Variants in RBFOX3 observed in about 807,000 individuals in gnomAD.
RBFOX3 encodes the protein RNA binding protein fox-1 homolog 3.
A neutral mutation model predicts 48.7 loss-of-function variants in RBFOX3; 17 were observed. That is an observed-to-expected ratio of 0.35 (90% CI 0.24 to 0.52). The LOEUF is 0.52. Among genes scored for constraint, RBFOX3 ranks in the 20% least tolerant of loss-of-function variants. RBFOX3 has a pLI of 0.94. For synonymous variants in RBFOX3, 212 were observed against 209.5 expected (o/e 1.01, Z -0.10); for missense variants, 382 against 497.5 (o/e 0.77, Z 2.21).
At chr17:79,267,685 CT>C (rs1367876379) in intron 3 of RBFOX3, among the ~76,000 whole-genome samples, 1 of 152,080 alleles carries the variant, frequency 6.6e-6, no homozygotes, top group Non-Finnish European at 1.5e-5. Flanking sequence ...GCTACCAGGC[CT>C]GGCCCCATGT....
intron 2 of RBFOX3, among the ~76,000 whole-genome samples, chr17:79,374,880 G>A (rs183258847): frequency 2.0e-5 from 3 of 152,188 alleles, no homozygotes; most frequent in Admixed American, 6.5e-5. Context: ...CTATTTCCAG[G>A]CAACATCCAC....
chr17:79,611,244 C>A (rs1457021891), upstream of RBFOX3, among the ~76,000 whole-genome samples: 3 of 147,366 alleles, frequency 2.0e-5, no homozygotes, highest in East Asian at 4.2e-4. Flanking sequence ...TGGAGCGAGG[C>A]GGCAGCAGGA....
intron 2 of RBFOX3, among the ~76,000 whole-genome samples, chr17:79,352,162 T>G (rs1261566617): frequency 1.3e-5 from 2 of 152,188 alleles, no homozygotes; most frequent in Non-Finnish European, 2.9e-5. Flanking sequence ...AAATCTCATG[T>G]TGAATTGTGA....
At chr17:79,472,602 C>A (rs1361402812) in intron 2 of RBFOX3, among the ~76,000 whole-genome samples, 2 of 152,224 alleles carry the variant, frequency 1.3e-5, no homozygotes, top group Admixed American at 6.5e-5. Flanking sequence ...ATGCTGCCAA[C>A]AGCTTGATCT....
At chr17:79,569,333 G>A (rs958453163) in intron 1 of RBFOX3, among the ~76,000 whole-genome samples, 8 of 152,238 alleles carry the variant, frequency 5.3e-5, no homozygotes, top group South Asian at 2.1e-4. Context: ...ATCATGCAAC[G>A]TGTGGCCTTT....
At chr17:79,611,228 T>G (rs2093967210), upstream of RBFOX3, among the ~76,000 whole-genome samples, 1 of 132,928 alleles carries the variant, frequency 7.5e-6, no homozygotes, top group African/African-American at 2.9e-5. Context: ...CTCTGGCTCG[T>G]TCGGCTGGAG....
intron 4 of RBFOX3, among the ~76,000 whole-genome samples, chr17:79,216,051 C>T (rs149901209): frequency 1.3e-3 from 191 of 152,368 alleles, no homozygotes; most frequent in African/African-American, 4.5e-3. Flanking sequence ...TCCCCTGCCC[C>T]CAAGCGTCCT....
At chr17:79,572,057 G>A (rs965689905) in intron 1 of RBFOX3, among the ~76,000 whole-genome samples, 2 of 152,182 alleles carry the variant, frequency 1.3e-5, no homozygotes, top group African/African-American at 2.4e-5. Context: ...ATCCCGAGAG[G>A]CGGGTGTTAT....
chr17:79,355,707 A>G (rs1830074750), intron 2 of RBFOX3, among the ~76,000 whole-genome samples: 1 of 151,636 alleles, frequency 6.6e-6, no homozygotes, highest in African/African-American at 2.4e-5. Flanking sequence ...CAGCCTTCCT[A>G]GTAGCTGGGA....
chr17:79,343,547 A>C (rs995479211), intron 2 of RBFOX3, among the ~76,000 whole-genome samples: 5 of 151,986 alleles, frequency 3.3e-5, no homozygotes, highest in African/African-American at 1.2e-4. Flanking sequence ...AAACAAAAAA[A>C]CCCAAAAACA....
At chr17:79,511,704 G>T (rs1173031008) in intron 1 of RBFOX3, among the ~76,000 whole-genome samples, 1 of 145,488 alleles carries the variant, frequency 6.9e-6, no homozygotes, top group Non-Finnish European at 1.5e-5. Context: ...ACAGCCCCAT[G>T]ACCAGGGGAC....
In RBFOX3 at chr17:79,115,546, T is replaced by A. The variant is rs1290258613; in HGVS notation, c.170A>T (p.Gln57Leu). The change falls in exon 5 of 15, where the codon CAG (glutamine) becomes CTG (leucine). Residue 57 changes from glutamine (Q) to leucine (L), a missense_variant. Transcript: ENST00000693108. ...CTGTGTGCTGGCCTCGGAGCCTGGC[T>A]GCTCGGGGTGGGTCTGTGCTGGTGT... Reference protein sequence around the residue: ...LYTPAQTHPEQPGSEASTQPI... With the variant: ...LYTPAQTHPELPGSEASTQPI... 1 of 1,339,906 alleles carries A rather than the reference T, an allele frequency of 7.5e-7. No homozygotes were observed. 83.0% of individuals were successfully genotyped at this position (1,339,906 alleles called of 1,614,324 possible). A position where few individuals can be genotyped will look rare whatever the true frequency, so the allele number is the denominator to read the frequency against.
chr17:79,275,696 G>A (rs1007361995), intron 3 of RBFOX3, among the ~76,000 whole-genome samples: 4 of 152,066 alleles, frequency 2.6e-5, no homozygotes, highest in Admixed American at 6.5e-5. Flanking sequence ...TCTGGTTACG[G>A]TAGCTCCCCC....
At chr17:79,373,704 C>T (rs893703748) in intron 2 of RBFOX3, among the ~76,000 whole-genome samples, 4 of 152,000 alleles carry the variant, frequency 2.6e-5, no homozygotes, top group African/African-American at 9.7e-5. Flanking sequence ...GACAGAGCTC[C>T]CCCTCAACCC....
the RBFOX3 span, among the ~76,000 whole-genome samples, chr17:79,620,702 G>A: frequency 9.7e-4 from 147 of 151,568 alleles, 1 homozygote; most frequent in African/African-American, 3.4e-3. Context: ...TGCCCATGCC[G>A]TCCTGTAGGT....
At position 79,252,828 on chromosome 17, in the gene RBFOX3, G is replaced by A. The variant is rs1036634046; in HGVS notation, c.-73-17023C>T. Among the ~76,000 whole-genome samples the A allele has an allele frequency of 6.6e-5, 10 of 152,090 alleles. No homozygotes were observed. The highest frequency in any genetic ancestry group is 2.4e-4 in the African/African-American group (10 of 41,386). Reference sequence around the variant, plus strand: ...CACAGAGAGTGAGGCGTGGACCCAGGCTTTCTGCCTCTCCAATGAGACAGG... The same window carrying A: ...CACAGAGAGTGAGGCGTGGACCCAGACTTTCTGCCTCTCCAATGAGACAGG... On this transcript the variant is annotated intron_variant, in intron 3 of 14. Coordinates refer to ENST00000693108, the MANE Select transcript of RBFOX3 (RefSeq NM_001350451.2). This position sits in a 1 kb window ranked among gnomAD's most constrained non-coding sequence, Gnocchi z 4.0.
chr17:79,604,908 C>T (rs1030872376), intron 1 of RBFOX3, among the ~76,000 whole-genome samples: 109 of 152,292 alleles, frequency 7.2e-4, no homozygotes, highest in Non-Finnish European at 1.0e-3. Context: ...GCCCAGGAAT[C>T]GGCATTTGCT....
intron 1 of RBFOX3, among the ~76,000 whole-genome samples, chr17:79,564,965 C>T (rs930274360): frequency 1.4e-5 from 2 of 147,550 alleles, no homozygotes; most frequent in East Asian, 2.1e-4. Flanking sequence ...TGCTTGAACC[C>T]GGGAGGCGGA....
intron 2 of RBFOX3, among the ~76,000 whole-genome samples, chr17:79,368,742 C>T (rs950253202): frequency 1.3e-5 from 2 of 152,178 alleles, no homozygotes; most frequent in Non-Finnish European, 2.9e-5. Flanking sequence ...GCCAGACACA[C>T]GGGTGTCCGG....
Sources: gnomAD v4.1 joint callset for allele counts (sites outside exome capture counted in the v4.1 genomes callset) on GRCh38, gnomAD v4.1.1 for gene constraint, Gnocchi (gnomAD v3.1) non-coding constraint, MANE v1.5 for transcripts, NCBI Gene and HGNC (gene_info 2026-07-23, HGNC 2026-07-21) for gene names.